Variants in RAPGEF3 observed in about 807,000 individuals in gnomAD.
RAPGEF3 encodes Rap guanine nucleotide exchange factor 3.
In RAPGEF3, 103 loss-of-function variants were observed where a neutral mutation model predicts 129.8. The observed-to-expected ratio is 0.79, with a 90% confidence interval of 0.68 to 0.93. The LOEUF is 0.93. Ranked by LOEUF, RAPGEF3 falls within the 40% of genes least tolerant of loss-of-function variation. RAPGEF3 has a pLI of 0.00. For synonymous variants in RAPGEF3, 436 were observed against 482.6 expected (o/e 0.90, Z 1.26); for missense variants, 1,117 against 1,207.4 (o/e 0.93, Z 1.11).
In RAPGEF3 at chr12:47,736,138, G is replaced by A. The variant is rs1226416543; in HGVS notation, c.*1429C>T. 1.3e-5 allele frequency: 2 copies of A among 152,288 alleles called. No individual in the cohort carries two copies. The highest frequency in any genetic ancestry group is 2.9e-5 in the Non-Finnish European group (2 of 68,074). The allele number at this position is 152,288 out of a possible 1,614,324, so 9.4% of individuals were successfully genotyped here. ...CGTTTATCATACCTGGCTTACAGGT[G>A]GAGAAATGAAGGAAGAGAACTGTTC... On this transcript the variant is annotated 3_prime_UTR_variant, in exon 28 of 28. Transcript: ENST00000449771.
chr12:47,758,030 C>T lies in RAPGEF3; in HGVS notation c.55G>A (p.Asp19Asn). The change falls in exon 2 of 28, where the codon GAT becomes AAT. Residue 19 changes from aspartate (D) to asparagine (N), a missense_variant. Transcript: ENST00000449771. ...SCWQVGLAVE[D>N]SPALGAPRVG... ...CGCGGTGCTCCCAGAGCTGGGCTAT[C>T]CTCCACAGCCAGGCCCACCTGCCAG... The T allele has an allele frequency of 2.5e-6, 4 of 1,577,068 alleles. No individual in the cohort carries two copies. Among genetic ancestry groups the T allele is most frequent in the Non-Finnish European group, 3.4e-6 (4 of 1,161,324 alleles).
intron 23 of RAPGEF3, chr12:47,739,821 A>C: frequency 2.1e-6 from 1 of 469,414 alleles, no homozygotes; most frequent in Non-Finnish European, 3.9e-6. Context: ...AGCCCCTGAC[A>C]CTGCCCTGGC....
At chr12:47,746,940 C>T (rs1351592915) in intron 15 of RAPGEF3, 41 bp from the exon 16 acceptor site, 1 of 1,581,618 alleles carries the variant, frequency 6.3e-7, no homozygotes, top group Non-Finnish European at 8.6e-7. Flanking sequence ...GCCCAGGTAT[C>T]CCTGGGGCTG....
Position 47,735,711 on chromosome 12 carries a change from G to A in RAPGEF3, c.*1856C>T, listed in dbSNP as rs61739888. On this transcript the variant is annotated 3_prime_UTR_variant, in exon 28 of 28. Coordinates refer to ENST00000449771, the MANE Select transcript of RAPGEF3 (RefSeq NM_001098531.4). ...ATGCTGGTGGAGGACACCGGCCCCC[G>A]TGGCACTTGGTTTCTGTTGTGTCGC... 0.03 allele frequency: 4,557 copies of A among 152,634 alleles called. 217 individuals carry two copies. The highest frequency in any genetic ancestry group is 0.1 in the African/African-American group (4,283 of 41,562). 9.5% of individuals were successfully genotyped at this position (152,634 alleles called of 1,614,324 possible). A position where few individuals can be genotyped will look rare whatever the true frequency, so the allele number is the denominator to read the frequency against.
At position 47,737,617 on chromosome 12, in the gene RAPGEF3, T is replaced by C. The variant is rs1225713060; in HGVS notation, c.2722A>G (p.Ile908Val). Residue 908 changes from isoleucine (I) to valine (V), a missense_variant, in exon 28 of 28, where the codon ATT (isoleucine) becomes GTT (valine). By Grantham distance (29) the Ile-to-Val change is conservative. This residue lies in a region of RAPGEF3 where 643 missense variants were observed against 673.4 expected (regional missense o/e 0.95). Coordinates refer to ENST00000449771, the MANE Select transcript of RAPGEF3 (RefSeq NM_001098531.4). ...CGGGAGAGTTCCCGCTGGTTGTCAA[T>C]GACCTTCAGCTGCTGGACATAAGCC... ...TWAYVQQLKVIDNQRELSRLS... is the reference protein window; with the variant it reads ...TWAYVQQLKVVDNQRELSRLS... 4 of 1,609,696 alleles carry C rather than the reference T, an allele frequency of 2.5e-6. No individual in the cohort carries two copies. The highest frequency in any genetic ancestry group is 2.5e-6 in the Non-Finnish European group (3 of 1,178,488).
chr12:47,738,243 A>T lies in RAPGEF3; in HGVS notation c.2531T>A (p.Met844Lys), dbSNP rs2136727276. The change falls in exon 26 of 28, where the codon ATG becomes AAG. Residue 844 changes from methionine to lysine, a missense_variant. Physicochemically the swap from Met to Lys is moderately conservative, Grantham distance 95. Around this residue, in one of 3 missense-constraint regions of RAPGEF3, gnomAD observed 643 missense variants for 673.4 expected, o/e 0.95. Coordinates refer to ENST00000449771, the MANE Select transcript of RAPGEF3 (RefSeq NM_001098531.4). ...ENLINFEKMR[M>K]MARAARMLHH... is the part of the protein sequence containing the mutation. Reference sequence around the variant, plus strand: ...CAGCATCCGCGCGGCTCTGGCCATCATTCTCTGCGGACAACACCGGGGCAT... The same window carrying T: ...CAGCATCCGCGCGGCTCTGGCCATCTTTCTCTGCGGACAACACCGGGGCAT... The T allele has an allele frequency of 1.2e-6, 2 of 1,613,302 alleles. No individual in the cohort carries two copies. Among genetic ancestry groups the T allele is most frequent in the African/African-American group, 1.3e-5 (1 of 75,050 alleles).
chr12:47,748,097 T>C lies in RAPGEF3; in HGVS notation c.1299A>G (p.Gln433=). 6.3e-7 allele frequency: 1 copy of C among 1,588,098 alleles called. No individual in the cohort carries two copies. The highest frequency in any genetic ancestry group is 8.6e-7 in the Non-Finnish European group (1 of 1,166,840). Residue 433 remains glutamine, a synonymous_variant, in exon 13 of 28, where the codon CAA becomes CAG. Coordinates refer to ENST00000449771, the MANE Select transcript of RAPGEF3 (RefSeq NM_001098531.4). ...LTHRVFMPSA[Q]LCAALLHHFH... ...ATTGGTGCAGAAGGGCAGCGCAGAG[T>C]TGGGCGCTGGGCATGAAGACCCTGT...
rs765951915 is a variant in RAPGEF3 at position 47,758,017 on chromosome 12, A to G, written c.68T>C (p.Leu23Pro). ...VGLAVEDSPA[L>P]GAPRVGALPD... ...GAGGGCTCCCACCCGCGGTGCTCCC[A>G]GAGCTGGGCTATCCTCCACAGCCAG... Residue 23 changes from leucine (L) to proline (P), a missense_variant, in exon 2 of 28, where the codon CTG becomes CCG. By Grantham distance (98) the Leu-to-Pro change is moderately conservative. This residue lies in a region of RAPGEF3 where 367 missense variants were observed against 373.4 expected (regional missense o/e 0.98). Transcript: ENST00000449771. 1 of 1,576,188 alleles carries G rather than the reference A, an allele frequency of 6.3e-7. No homozygotes were observed. Among genetic ancestry groups the G allele is most frequent in the Admixed American group, 1.8e-5 (1 of 54,926 alleles).
At position 47,749,129 on chromosome 12, in the gene RAPGEF3, C is replaced by A. The variant is rs1941596501; in HGVS notation, c.1042-198G>T. On this transcript the variant is annotated intron_variant, in intron 10 of 27. Coordinates refer to ENST00000449771, the MANE Select transcript of RAPGEF3 (RefSeq NM_001098531.4). This position sits in a 1 kb window ranked among gnomAD's most constrained non-coding sequence, Gnocchi z 4.5. ...ATCCTGCCTCCCCCACAGCCTAGTC[C>A]CCCGCCCCCTGCATGCCCATCCTTC... is the stretch of plus-strand genomic sequence containing the variant. 6.2e-6 allele frequency: 4 copies of A among 643,792 alleles called. No homozygotes were observed. The highest frequency in any genetic ancestry group is 6.5e-4 in the Middle Eastern group (2 of 3,074). 39.9% of individuals were successfully genotyped at this position (643,792 alleles called of 1,614,324 possible).
chr12:47,740,869 G>A lies in RAPGEF3; in HGVS notation c.2049+46C>T, dbSNP rs548897679. ...AGGTCAGCGAGTGCTGAGCCGAGCCGGGCGCCCCGCCGCCTGCTCTCCTCC... is the reference window on the plus strand; with the variant it reads ...AGGTCAGCGAGTGCTGAGCCGAGCCAGGCGCCCCGCCGCCTGCTCTCCTCC... On this transcript the variant is annotated intron_variant, in intron 20 of 27. Coordinates refer to ENST00000449771, the MANE Select transcript of RAPGEF3 (RefSeq NM_001098531.4). The A allele has an allele frequency of 5.8e-5, 94 of 1,613,520 alleles. 1 individual carries two copies. The South Asian group carries it at 5.9e-4, about 10-fold the overall frequency.
chr12:47,751,001 G>A (rs1237927671), intron 6 of RAPGEF3, 47 bp downstream of exon 6: 2 of 1,570,560 alleles, frequency 1.3e-6, no homozygotes, highest in African/African-American at 2.7e-5. Flanking sequence ...TGAAATCTGA[G>A]TGCTGTGTGA....
chr12:47,739,675 C>T, intron 23 of RAPGEF3: 1 of 364,828 alleles, frequency 2.7e-6, no homozygotes, highest in Middle Eastern at 4.7e-4. Flanking sequence ...TCAAAAGTTC[C>T]TGGAGGTGGG....
rs375303790 is a variant in RAPGEF3 at position 47,751,989 on chromosome 12, C to T, written c.220-20G>A. On this transcript the variant is annotated intron_variant, in intron 2 of 27. Transcript: ENST00000449771. ...TGGTGTCTGGGGGCAGCAGGGAAAGCGTGCACATCAGTGTGAGGTCTTCAA... is the reference window on the plus strand; with the variant it reads ...TGGTGTCTGGGGGCAGCAGGGAAAGTGTGCACATCAGTGTGAGGTCTTCAA... 7.7e-5 allele frequency: 124 copies of T among 1,613,652 alleles called. No homozygotes were observed. Among genetic ancestry groups the T allele is most frequent in the African/African-American group, 2.4e-4 (18 of 74,920 alleles).
intron 2 of RAPGEF3, chr12:47,755,843 G>C (rs961238469): frequency 6.6e-6 from 1 of 152,182 alleles, no homozygotes; most frequent in Non-Finnish European, 1.5e-5. Context: ...TTCACCATGG[G>C]CGTGCATGCT....
rs1940758365 is a variant in RAPGEF3, at chr12:47,735,086, A to C, written c.*2481T>G. ...AAAGGAGGGGGGATGTGTGTGTAAC[A>C]ATGACCTCCCTCTGTCCTGTCCTGC... On this transcript the variant is annotated 3_prime_UTR_variant, in exon 28 of 28. Coordinates refer to ENST00000449771, the MANE Select transcript of RAPGEF3 (RefSeq NM_001098531.4). 1 of 152,240 alleles carries C rather than the reference A, an allele frequency of 6.6e-6. No homozygotes were observed. The highest frequency in any genetic ancestry group is 2.4e-5 in the African/African-American group (1 of 41,404). 9.4% of individuals were successfully genotyped at this position (152,240 alleles called of 1,614,324 possible).
At position 47,748,148 on chromosome 12, in the gene RAPGEF3, T is replaced by G; in HGVS notation, c.1248A>C (p.Thr416=). The G allele has an allele frequency of 6.3e-7, 1 of 1,576,922 alleles. No individual in the cohort carries two copies. Among genetic ancestry groups the G allele is most frequent in the Non-Finnish European group, 8.6e-7 (1 of 1,160,722 alleles). ...PDSSAHDPTE[T]FLSDFLLTHR... ...GGGTCAGGAGGAAGTCGCTGAGGAA[T>G]GTCTCTGTATGACAGGGTGAGGGGA... Residue 416 remains threonine (T), a synonymous_variant, in exon 13 of 28, where the codon ACA becomes ACC. Transcript: ENST00000449771.
rs753089319 is a variant in RAPGEF3 at position 47,741,631 on chromosome 12, G to C, written c.1826-29C>G. 4 of 1,587,324 alleles carry C rather than the reference G, an allele frequency of 2.5e-6. No individual in the cohort carries two copies. The South Asian group carries it at 4.4e-5, about 18-fold the overall frequency. On this transcript the variant is annotated intron_variant, in intron 18 of 27. Coordinates refer to ENST00000449771, the MANE Select transcript of RAPGEF3 (RefSeq NM_001098531.4). ...CAAAGACAGCAGAGGCGGACTGGGT[G>C]GGGGAAGGGAGGGAGGCCGGGGACC...
At chr12:47,740,450 G>T in intron 21 of RAPGEF3, 55 bp from the exon 22 acceptor site, 1 of 1,567,902 alleles carries the variant, frequency 6.4e-7, no homozygotes, top group South Asian at 1.1e-5. Context: ...CACCCCTACA[G>T]TGCCCCCAGA....
chr12:47,743,724 A>C (rs779411349), intron 17 of RAPGEF3, 48 bp from the exon 18 acceptor site: 3 of 1,582,970 alleles, frequency 1.9e-6, no homozygotes, highest in Non-Finnish European at 2.6e-6. Context: ...CCTGATCTCC[A>C]CCCCAGGAGG....
Sources: gnomAD v4.1 joint callset for allele counts on GRCh38, gnomAD v4.1.1 for gene constraint, gnomAD v4.1.1 regional missense constraint, Gnocchi (gnomAD v3.1) non-coding constraint, MANE v1.5 for transcripts, NCBI Gene and HGNC (gene_info 2026-07-23, HGNC 2026-07-21) for gene names.